The following TFEC variants were observed in gnomAD, a reference collection of about 807,000 sequenced individuals.
TFEC encodes class E basic helix-loop-helix protein 34.
Under a neutral mutation model 41.6 loss-of-function variants are expected in TFEC, and 31 were observed. The ratio of observed to expected loss-of-function variants is 0.74; its 90% CI spans 0.56 to 1.01. The LOEUF is 1.01. Among genes scored for constraint, TFEC ranks in the 50% least tolerant of loss-of-function variants. The probability of loss-of-function intolerance (pLI) is 0.00; values close to 1 mark genes in which losing one functional copy is unlikely to be tolerated. For synonymous variants in TFEC, 143 were observed against 140.6 expected (o/e 1.02, Z -0.12); for missense variants, 402 against 404.1 (o/e 0.99, Z 0.04).
In TFEC at chr7:116,056,117, T is replaced by C. The variant is rs1386556198; in HGVS notation, c.198+54591A>G. On this transcript the variant is annotated intron_variant, in intron 3 of 8. Coordinates refer to the TFEC transcript ENST00000484212. Reference sequence around the variant, plus strand: ...AACAACCATAAAACAGACAAAATATTTGAAACACTACCTTTCAAGAGACTA... The same window carrying C: ...AACAACCATAAAACAGACAAAATATCTGAAACACTACCTTTCAAGAGACTA... Among the ~76,000 whole-genome samples the C allele has an allele frequency of 6.6e-5, 10 of 152,002 alleles. No homozygotes were observed. In the East Asian group the frequency reaches 1.9e-3, roughly 29 times the overall value.
rs1793085718 is a variant in TFEC at position 115,970,517 on chromosome 7, T to C, written c.267+3653A>G. Among the ~76,000 whole-genome samples, 3 of 151,798 alleles carry C rather than the reference T, an allele frequency of 2.0e-5. No individual in the cohort carries two copies. In the South Asian group the frequency reaches 6.2e-4, roughly 31 times the overall value. The stretch of plus-strand genomic sequence containing the variant: ...GCCTAGTAGCCAGAGAGGAAATGCG[T>C]TTAAAGGGTGCTGTTTGGTTAGGTT... On this transcript the variant is annotated intron_variant, in intron 3 of 7. Transcript: ENST00000265440.
intron 3 of TFEC, among the ~76,000 whole-genome samples, chr7:115,969,320 G>A (rs1475890214): frequency 1.3e-5 from 2 of 151,820 alleles, no homozygotes; most frequent in African/African-American, 4.8e-5. Context: ...CAGTAATAAA[G>A]AAGATCATTT....
At chr7:116,016,778 C>T (rs1795208601) in intron 1 of TFEC, among the ~76,000 whole-genome samples, 1 of 151,336 alleles carries the variant, frequency 6.6e-6, no homozygotes, top group Non-Finnish European at 1.5e-5. Flanking sequence ...TATAGGACAC[C>T]CAGCTTTATA....
intron 1 of TFEC, among the ~76,000 whole-genome samples, chr7:116,024,602 T>C (rs985805652): frequency 1.4e-4 from 22 of 152,184 alleles, no homozygotes; most frequent in Admixed American, 1.3e-3. Context: ...CAATGTTTCC[T>C]ATTACCACCT....
intron 1 of TFEC, among the ~76,000 whole-genome samples, chr7:116,000,194 A>AC (rs1337041229): frequency 6.6e-6 from 1 of 152,164 alleles, no homozygotes. Context: ...TCATATCAAC[A>AC]GAATGAAGAA....
At chr7:116,030,075 T>C (rs901708845) in intron 1 of TFEC, among the ~76,000 whole-genome samples, 5 of 151,826 alleles carry the variant, frequency 3.3e-5, no homozygotes, top group African/African-American at 1.2e-4. Flanking sequence ...CAAAAAAAGG[T>C]TGTTGCATTG....
Position 116,017,134 on chromosome 7 carries a change from T to A in TFEC, c.-73+13499A>T, listed in dbSNP as rs183946132. On this transcript the variant is annotated intron_variant, in intron 1 of 7. Transcript: ENST00000265440. ...AGTTTCCTCCAACCCTCTCCAATCA[T>A]TCTTCTTACAGCCTTCAAAATGTAC... is the stretch of plus-strand genomic sequence containing the variant. Among the ~76,000 whole-genome samples the A allele has an allele frequency of 1.5e-3, 224 of 152,316 alleles. 2 individuals are homozygous for A. The highest frequency in any genetic ancestry group is 4.9e-3 in the African/African-American group (205 of 41,568).
intron 3 of TFEC, among the ~76,000 whole-genome samples, chr7:116,051,919 T>C (rs1250158108): frequency 6.6e-6 from 1 of 152,088 alleles, no homozygotes; most frequent in South Asian, 2.1e-4. Context: ...CAGGGCCTTA[T>C]GCAGAAGATA....
intron 3 of TFEC, among the ~76,000 whole-genome samples, chr7:115,962,677 A>G (rs1160928187): frequency 6.6e-6 from 1 of 151,888 alleles, no homozygotes; most frequent in Non-Finnish European, 1.5e-5. Context: ...AACACCACAT[A>G]CAAAAATTAA....
At chr7:116,077,148 A>G (rs1796978290) in intron 3 of TFEC, among the ~76,000 whole-genome samples, 1 of 152,214 alleles carries the variant, frequency 6.6e-6, no homozygotes, top group South Asian at 2.1e-4. Flanking sequence ...AACTATTATC[A>G]GCCAAGAATT....
At chr7:116,005,846 C>T (rs1315165448) in intron 1 of TFEC, among the ~76,000 whole-genome samples, 2 of 152,198 alleles carry the variant, frequency 1.3e-5, no homozygotes, top group Non-Finnish European at 2.9e-5. Flanking sequence ...GGGCCAGTCC[C>T]AGGGTCCCCA....
rs1584638100 is a variant in TFEC, at chr7:115,984,420, T to C, written c.22A>G (p.Ile8Val). ...TGTGACCATTTAAGAGTTGGATTGA[T>C]GATCTGATGATCAAGGGTCATGAAA... MTLDHQI[I>V]NPTLKWSQPA... is the part of the protein sequence containing the mutation. Residue 8 changes from isoleucine (I) to valine (V), a missense_variant, in exon 2 of 8, where the codon ATC becomes GTC. Transcript: ENST00000265440. 6.2e-7 allele frequency: 1 copy of C among 1,614,158 alleles called. No individual in the cohort carries two copies. Among genetic ancestry groups the C allele is most frequent in the Non-Finnish European group, 8.5e-7 (1 of 1,179,982 alleles).
rs547519034 is a variant in TFEC at position 115,980,658 on chromosome 7, G to A, written c.180+3604C>T. Among the ~76,000 whole-genome samples, 65 of 152,130 alleles carry A rather than the reference G, an allele frequency of 4.3e-4. 1 individual carries two copies. Among genetic ancestry groups the A allele is most frequent in the South Asian group, 8.3e-4 (4 of 4,822 alleles). ...CCAGCTACCTGGGAGGCTGAGGCAC[G>A]ACAATCTCTTGAACCCAGGTGGTGG... On this transcript the variant is annotated intron_variant, in intron 2 of 7. Coordinates refer to ENST00000265440, the MANE Select transcript of TFEC (RefSeq NM_012252.4).
At chr7:116,013,860 G>A (rs1312895203) in intron 1 of TFEC, among the ~76,000 whole-genome samples, 1 of 152,072 alleles carries the variant, frequency 6.6e-6, no homozygotes, top group African/African-American at 2.4e-5. Flanking sequence ...ATTACTTTTT[G>A]TTGTGTCTTG....
rs117026115 is a variant in TFEC, at chr7:116,095,574, G to A, written c.198+15134C>T. ...TACTGTGATGTACCCTGAAACTATC[G>A]TCAGTTCCCCTTTCCTCCTTTTACT... On this transcript the variant is annotated intron_variant, in intron 3 of 8. Coordinates refer to the TFEC transcript ENST00000484212. Among the ~76,000 whole-genome samples the A allele has an allele frequency of 6.1e-3, 933 of 152,202 alleles. 3 individuals carry two copies. The highest frequency in any genetic ancestry group is 0.01 in the Non-Finnish European group (702 of 68,012).
intron 3 of TFEC, chr7:116,110,692 G>T: frequency 7.1e-7 from 1 of 1,403,238 alleles, no homozygotes; most frequent in South Asian, 1.7e-5. Context: ...GGCTGTATAT[G>T]TATACAGATA....
At chr7:116,004,881 G>A (rs764954175) in intron 1 of TFEC, among the ~76,000 whole-genome samples, 2 of 152,074 alleles carry the variant, frequency 1.3e-5, no homozygotes, top group African/African-American at 2.4e-5. Flanking sequence ...CCCACACTTC[G>A]TGGGAGGGAC....
intron 3 of TFEC, among the ~76,000 whole-genome samples, chr7:116,066,566 T>G (rs1419760832): frequency 1.3e-5 from 2 of 152,048 alleles, no homozygotes; most frequent in African/African-American, 2.4e-5. Flanking sequence ...GAGTAAAAAT[T>G]TTCTTTCTCA....
intron 3 of TFEC, among the ~76,000 whole-genome samples, chr7:116,097,328 C>G (rs758669088): frequency 5.3e-5 from 8 of 152,088 alleles, no homozygotes; most frequent in Non-Finnish European, 1.2e-4. Flanking sequence ...TCTACATTTA[C>G]TATGTTTTCT....
Sources: gnomAD v4.1 joint callset for allele counts (sites outside exome capture counted in the v4.1 genomes callset) on GRCh38, gnomAD v4.1.1 for gene constraint, MANE v1.5 for transcripts, NCBI Gene and HGNC (gene_info 2026-07-23, HGNC 2026-07-21) for gene names.